EIF2S3: variants seen among roughly 807,000 people sequenced by gnomAD.
EIF2S3 encodes eukaryotic translation initiation factor 2 subunit gamma, also known as eukaryotic translation initiation factor 2 subunit 3.
In EIF2S3, 2 loss-of-function variants were observed where a neutral mutation model predicts 31.7. The ratio of observed to expected loss-of-function variants is 0.06; its 90% CI spans 0.03 to 0.20. EIF2S3 has a LOEUF of 0.20. Ranked by LOEUF, EIF2S3 falls within the 10% of genes least tolerant of loss-of-function variation. EIF2S3 has a pLI of 1.00. For synonymous variants in EIF2S3, 120 were observed against 126.7 expected (o/e 0.95, Z 0.36); for missense variants, 96 against 359.3 (o/e 0.27, Z 5.92).
intron 9 of EIF2S3, among the ~76,000 whole-genome samples, chrX:24,070,873 CTTA>C (rs1434672369): frequency 8.9e-6 from 1 of 111,843 alleles, no homozygotes; most frequent in African/African-American, 3.3e-5. Flanking sequence ...TTTGAGTTCA[CTTA>C]TTATCTCTAT....
chrX:24,071,937 G>A (rs1420642875), intron 10 of EIF2S3, among the ~76,000 whole-genome samples: 2 of 108,383 alleles, frequency 1.8e-5, no homozygotes, highest in African/African-American at 3.4e-5. Context: ...GTGCAGTGGC[G>A]CGATCTCGGC....
chrX:24,068,697 C>T (rs1355985262), intron 9 of EIF2S3, among the ~76,000 whole-genome samples: 4 of 111,696 alleles, frequency 3.6e-5, no homozygotes, highest in East Asian at 5.6e-4. Context: ...CCCCCTGCCT[C>T]GGCCTTTCAA....
chrX:24,060,244 A>T (rs760337066), intron 5 of EIF2S3, 62 bp downstream of exon 5: 83 of 994,497 alleles, frequency 8.3e-5, no homozygotes, highest in Non-Finnish European at 1.2e-4. Flanking sequence ...TGAAATATTT[A>T]AAGGGGAACT....
At position 24,078,075 on chromosome X, in the gene EIF2S3, G is replaced by C. The variant is rs1428258331; in HGVS notation, c.*1290G>C. 9.1e-6 allele frequency: 1 copy of C among 109,384 alleles called. No individual in the cohort carries two copies. The highest frequency in any genetic ancestry group is 3.3e-5 in the African/African-American group (1 of 30,036). The allele number at this position is 109,384 out of a possible 1,213,427, so 9.0% of individuals were successfully genotyped here. On this transcript the variant is annotated 3_prime_UTR_variant, in exon 12 of 12. Transcript: ENST00000253039. ...GAGGCTCACTCCGTCACCTAGGCTA[G>C]AGTACAGTGGCACGATCTTGGCTCG...
Position 24,076,871 on chromosome X carries a change from T to G in EIF2S3, c.*86T>G. 2.4e-6 allele frequency: 2 copies of G among 818,318 alleles called. No individual in the cohort carries two copies. The highest frequency in any genetic ancestry group is 3.4e-6 in the Non-Finnish European group (2 of 582,272). The allele number at this position is 818,318 out of a possible 1,213,427, so 67.4% of individuals were successfully genotyped here. On this transcript the variant is annotated 3_prime_UTR_variant, in exon 12 of 12. Transcript: ENST00000253039. ...CAAGGGGTTTATTTTCAAAGCAATA[T>G]TGGGGAATTGATTTCACAGTTCGTT...
rs190407199 is a variant in EIF2S3 at position 24,078,704 on chromosome X, C to A, written c.*1919C>A. Among the ~76,000 whole-genome samples, 33 of 111,887 alleles carry A rather than the reference C, an allele frequency of 2.9e-4. No homozygotes were observed. The highest frequency in any genetic ancestry group is 2.4e-3 in the Admixed American group (25 of 10,430). ...TTTAGAAGCTCTGGCTATGGGTTGC[C>A]TAAATTGATGTTTTGAGGAAGCATA... On this transcript the variant is annotated 3_prime_UTR_variant, in exon 12 of 12. Coordinates refer to ENST00000253039, the MANE Select transcript of EIF2S3 (RefSeq NM_001415.4).
intron 5 of EIF2S3, among the ~76,000 whole-genome samples, chrX:24,062,083 T>C (rs1209023122): frequency 9.0e-6 from 1 of 111,170 alleles, no homozygotes; most frequent in Non-Finnish European, 1.9e-5. Context: ...GATGCCAACT[T>C]TTTTTGGGGC....
chrX:24,055,565 A>G, intron 1 of EIF2S3, 50 bp from the exon 2 acceptor site: 1 of 1,162,027 alleles, frequency 8.6e-7, no homozygotes, highest in African/African-American at 1.8e-5. Context: ...GTCAAAGGAA[A>G]AGTTCTCATT....
At chrX:24,066,124 G>GTT (rs150782745) in intron 8 of EIF2S3, 32 bp downstream of exon 8, 49,604 of 723,218 alleles carry the variant, frequency 0.069, 4 homozygotes, top group Non-Finnish European at 0.08. Flanking sequence ...GTGATTTTGG[G>GTT]TTTTTTTTTT....
rs1930419564 is a variant in EIF2S3 at position 24,057,354 on chromosome X, C to T, written c.134-67C>T. 3.5e-6 allele frequency: 4 copies of T among 1,144,333 alleles called. No individual in the cohort carries two copies. The East Asian group carries it at 9.0e-5, about 26-fold the overall frequency. 94.3% of individuals were successfully genotyped at this position (1,144,333 alleles called of 1,213,427 possible). A position where few individuals can be genotyped will look rare whatever the true frequency, so the allele number is the denominator to read the frequency against. ...GGCTTTGGGTTTTCTACTCTTAACA[C>T]TATTTGAAAAAATATTTGGTATGTA... is the stretch of plus-strand genomic sequence containing the variant. On this transcript the variant is annotated intron_variant, in intron 2 of 11. Coordinates refer to ENST00000253039, the MANE Select transcript of EIF2S3 (RefSeq NM_001415.4).
intron 6 of EIF2S3, 104 bp from the exon 7 acceptor site, chrX:24,064,097 G>A: frequency 1.4e-6 from 1 of 714,095 alleles, no homozygotes; most frequent in African/African-American, 2.2e-5. Flanking sequence ...TGGGGTTTAG[G>A]CATCTATTTT....
At chrX:24,073,027 T>TA in intron 10 of EIF2S3, 64 bp from the exon 11 acceptor site, 1 of 1,102,972 alleles carries the variant, frequency 9.1e-7, no homozygotes, top group East Asian at 3.0e-5. Flanking sequence ...GGTAAATTCT[T>TA]ACTTACATTT....
At chrX:24,071,505 T>C in intron 9 of EIF2S3, 53 bp from the exon 10 acceptor site, 2 of 1,135,894 alleles carry the variant, frequency 1.8e-6, no homozygotes, top group South Asian at 2.0e-5. Flanking sequence ...ATTCACTTTA[T>C]AGGTGTTTTA....
intron 4 of EIF2S3, among the ~76,000 whole-genome samples, chrX:24,059,380 G>C (rs1269560203): frequency 9.1e-6 from 1 of 109,959 alleles, no homozygotes; most frequent in Non-Finnish European, 1.9e-5. Context: ...GGCAATTCTA[G>C]TTTTTCAAGG....
chrX:24,075,679 G>T (rs749363886), intron 11 of EIF2S3, among the ~76,000 whole-genome samples: 61 of 110,673 alleles, frequency 5.5e-4, no homozygotes, highest in Admixed American at 8.8e-4. Flanking sequence ...ACTGTTTTGT[G>T]CCCTAACTGT....
At chrX:24,057,815 T>G (rs755435237) in intron 4 of EIF2S3, 61 bp downstream of exon 4, 47 of 1,117,810 alleles carry the variant, frequency 4.2e-5, no homozygotes, top group Non-Finnish European at 4.4e-5. Flanking sequence ...GTTTTGTGCT[T>G]TTTGAAATAT....
At chrX:24,060,404 C>A in intron 5 of EIF2S3, 1 of 393,676 alleles carries the variant, frequency 2.5e-6, no homozygotes, top group Non-Finnish European at 4.4e-6. Context: ...CTTGTGGTAG[C>A]ATTTGAGAAA....
intron 9 of EIF2S3, among the ~76,000 whole-genome samples, chrX:24,070,207 A>C (rs1248021757): frequency 1.9e-5 from 2 of 105,789 alleles, no homozygotes; most frequent in Non-Finnish European, 3.9e-5. Context: ...AAAAAAAAAA[A>C]TTTAGTCAGG....
At chrX:24,072,535 A>T (rs1221728567) in intron 10 of EIF2S3, among the ~76,000 whole-genome samples, 1 of 111,275 alleles carries the variant, frequency 9.0e-6, no homozygotes, top group East Asian at 2.8e-4. Flanking sequence ...TGCCCACCCC[A>T]GCCTCCGAAA....
Sources: allele counts gnomAD v4.1 joint callset (sites outside exome capture counted in the v4.1 genomes callset), GRCh38; gene constraint gnomAD v4.1.1; transcripts MANE v1.5; gene names NCBI Gene and HGNC (gene_info 2026-07-23, HGNC 2026-07-21).